Variants in TASP1 observed in about 807,000 individuals in gnomAD.
TASP1 encodes threonine aspartase 1.
Under a neutral mutation model 56.6 loss-of-function variants are expected in TASP1, and 16 were observed. The ratio of observed to expected loss-of-function variants is 0.28; its 90% CI spans 0.19 to 0.43. TASP1 has a LOEUF of 0.43. Ranked by LOEUF, TASP1 falls within the 20% of genes least tolerant of loss-of-function variation. The probability of loss-of-function intolerance (pLI) is 1.00; values close to 1 mark genes in which losing one functional copy is unlikely to be tolerated. For missense variants in TASP1, 393 were observed against 511.6 expected (o/e 0.77, Z 2.24); for synonymous variants, 179 against 184.2 (o/e 0.97, Z 0.23).
chr20:13,401,327 G>C (rs1339815236), intron 13 of TASP1, among the ~76,000 whole-genome samples: 2 of 152,036 alleles, frequency 1.3e-5, no homozygotes, highest in Non-Finnish European at 2.9e-5. Flanking sequence ...TGGGAAGAAA[G>C]GACAGTGGGA....
At chr20:13,292,453 G>T in the TASP1 span, 1 of 1,593,548 alleles carries the variant, frequency 6.3e-7, no homozygotes, top group South Asian at 1.1e-5. Context: ...CCACCAAACT[G>T]TTTGAAGTTG....
chr20:13,387,179 ATTTCAT>A (rs2041168957), downstream of TASP1, among the ~76,000 whole-genome samples: 1 of 118,758 alleles, frequency 8.4e-6, no homozygotes, highest in South Asian at 2.5e-4. Context: ...AGAGGACATG[ATTTCAT>A]TTTTTTTTTT....
intron 13 of TASP1, 135 bp downstream of exon 13, chr20:13,417,313 A>C: frequency 1.3e-6 from 1 of 769,466 alleles, no homozygotes; most frequent in Non-Finnish European, 2.1e-6. Flanking sequence ...AACTGTTCTT[A>C]TTCGGATGCT....
chr20:13,299,770 C>A, the TASP1 span: 1 of 269,436 alleles, frequency 3.7e-6, no homozygotes, highest in Non-Finnish European at 7.1e-6. This position sits in a 1 kb window ranked among gnomAD's most constrained non-coding sequence, Gnocchi z 5.8. Context: ...AATTCACACC[C>A]GGATCCAGAG....
the TASP1 span, among the ~76,000 whole-genome samples, chr20:13,215,536 G>T: frequency 6.6e-6 from 1 of 152,172 alleles, no homozygotes; most frequent in Non-Finnish European, 1.5e-5. Context: ...GGAGGAGCAG[G>T]TCATTATGTT....
chr20:13,427,047 G>A (rs901246765), intron 12 of TASP1, among the ~76,000 whole-genome samples: 1 of 152,154 alleles, frequency 6.6e-6, no homozygotes, highest in Non-Finnish European at 1.5e-5. Flanking sequence ...ATGATCATGT[G>A]AGCCCAGCAG....
chr20:13,379,632 G>A, the TASP1 span, among the ~76,000 whole-genome samples: 211 of 152,132 alleles, frequency 1.4e-3, 2 homozygotes, highest in Non-Finnish European at 2.0e-3. Flanking sequence ...GTCTTGGTGG[G>A]TTGGGGAAGT....
At chr20:13,479,013 T>C (rs777857728) in intron 11 of TASP1, among the ~76,000 whole-genome samples, 1 of 152,138 alleles carries the variant, frequency 6.6e-6, no homozygotes, top group Non-Finnish European at 1.5e-5. Context: ...GTGGAAAGCA[T>C]ATTGCAAAAC....
intron 8 of TASP1, among the ~76,000 whole-genome samples, chr20:13,557,931 C>T (rs1239480010): frequency 1.3e-5 from 2 of 151,910 alleles, no homozygotes; most frequent in East Asian, 3.9e-4. Flanking sequence ...ACATCACATC[C>T]GATGCAGAAA....
At chr20:13,599,093 G>A (rs2047857502) in intron 4 of TASP1, among the ~76,000 whole-genome samples, 1 of 152,188 alleles carries the variant, frequency 6.6e-6, no homozygotes, top group Non-Finnish European at 1.5e-5. Flanking sequence ...GTGTAAATTA[G>A]TTCAACCATT....
chr20:13,349,627 C>T, the TASP1 span, among the ~76,000 whole-genome samples: 3 of 152,280 alleles, frequency 2.0e-5, no homozygotes, highest in East Asian at 5.8e-4. Context: ...TATCTGATCT[C>T]TCAGTAGATT....
the TASP1 span, among the ~76,000 whole-genome samples, chr20:13,118,656 T>TC: frequency 6.6e-6 from 1 of 152,168 alleles, no homozygotes; most frequent in Non-Finnish European, 1.5e-5. Context: ...GTGACAGTGA[T>TC]GTTGGCTCAG....
intron 10 of TASP1, among the ~76,000 whole-genome samples, chr20:13,495,832 T>C (rs1462487425): frequency 1.3e-5 from 2 of 152,300 alleles, no homozygotes; most frequent in Middle Eastern, 6.8e-3. Flanking sequence ...TACCTAAGAC[T>C]GTGCTTCCCA....
chr20:13,397,253 G>C (rs991916279), intron 13 of TASP1, among the ~76,000 whole-genome samples: 1 of 152,206 alleles, frequency 6.6e-6, no homozygotes, highest in African/African-American at 2.4e-5. Context: ...CTCGCTCTAA[G>C]TGCAATTATG....
chr20:13,312,479 C>T, the TASP1 span, among the ~76,000 whole-genome samples: 1 of 152,196 alleles, frequency 6.6e-6, no homozygotes, highest in Non-Finnish European at 1.5e-5. Flanking sequence ...CCTTCCTCTC[C>T]CTCATGCACA....
At chr20:13,432,381 C>T (rs1337033548) in intron 12 of TASP1, among the ~76,000 whole-genome samples, 1 of 152,192 alleles carries the variant, frequency 6.6e-6, no homozygotes, top group Non-Finnish European at 1.5e-5. Context: ...CAAAGACTGA[C>T]TGGTGGCTCT....
chr20:13,139,177 A>G, the TASP1 span, among the ~76,000 whole-genome samples: 1 of 152,310 alleles, frequency 6.6e-6, no homozygotes, highest in African/African-American at 2.4e-5. Flanking sequence ...TTGTGACATT[A>G]CTTGGTGACT....
chr20:13,574,708 G>A (rs2046838191), intron 6 of TASP1, among the ~76,000 whole-genome samples: 1 of 151,920 alleles, frequency 6.6e-6, no homozygotes, highest in Non-Finnish European at 1.5e-5. Flanking sequence ...AAGCTGAATG[G>A]GATTAGCAGG....
the TASP1 span, among the ~76,000 whole-genome samples, chr20:13,231,067 C>T: frequency 2.0e-5 from 3 of 152,156 alleles, no homozygotes; most frequent in Non-Finnish European, 4.4e-5. Context: ...GGGGTCATCT[C>T]TCAAATAAAT....
Sources: gnomAD v4.1 joint callset for allele counts (sites outside exome capture counted in the v4.1 genomes callset) on GRCh38, gnomAD v4.1.1 for gene constraint, Gnocchi (gnomAD v3.1) non-coding constraint, MANE v1.5 for transcripts, NCBI Gene and HGNC (gene_info 2026-07-23, HGNC 2026-07-21) for gene names.